Variants in GLI2 observed in about 807,000 individuals in gnomAD.
GLI2 encodes GLI family zinc finger 2.
A neutral mutation model predicts 78.9 loss-of-function variants in GLI2; 22 were observed. That is an observed-to-expected ratio of 0.28 (90% CI 0.20 to 0.40). The LOEUF is 0.40. Ranked by LOEUF, GLI2 falls within the 10% of genes least tolerant of loss-of-function variation. GLI2 has a pLI of 1.00. For missense variants in GLI2, 2,097 were observed against 2,213.2 expected (o/e 0.95, Z 1.05); for synonymous variants, 974 against 963.7 (o/e 1.01, Z -0.20).
intron 2 of GLI2, among the ~76,000 whole-genome samples, chr2:120,881,729 GA>G: frequency 1.0e-5 from 1 of 99,590 alleles, no homozygotes; most frequent in Admixed American, 9.9e-5. Context: ...GGTGGGGGAG[GA>G]CAGTGCGGGG....
chr2:120,820,873 T>C (rs1288061694), intron 2 of GLI2, among the ~76,000 whole-genome samples: 1 of 152,148 alleles, frequency 6.6e-6, no homozygotes, highest in African/African-American at 2.4e-5. Context: ...GGTGCAGTCT[T>C]GAGTGGCCAG....
intron 2 of GLI2, among the ~76,000 whole-genome samples, chr2:120,899,320 C>G (rs1039763384): frequency 6.0e-4 from 91 of 152,164 alleles, no homozygotes; most frequent in African/African-American, 2.1e-3. Context: ...GAGCACGTTT[C>G]TCACTTTAGG....
chr2:120,868,735 C>A (rs1385117002), intron 2 of GLI2, among the ~76,000 whole-genome samples: 1 of 152,074 alleles, frequency 6.6e-6, no homozygotes, highest in South Asian at 2.1e-4. Flanking sequence ...GAAGAGGGGG[C>A]GGGTGACTGG....
intron 8 of GLI2, 158 bp from the exon 9 acceptor site, chr2:120,974,794 GTGTGTGTGTCTGCATGCATGTGT>G: frequency 1.3e-6 from 1 of 787,128 alleles, no homozygotes; most frequent in South Asian, 1.4e-5. Flanking sequence ...GTGTGTGTGT[GTGTGTGTGTCTGCATGCATGTGT>G]TGTGTGTGTG....
At chr2:120,940,864 A>G (rs1179276679) in intron 3 of GLI2, among the ~76,000 whole-genome samples, 1 of 152,194 alleles carries the variant, frequency 6.6e-6, no homozygotes, top group Non-Finnish European at 1.5e-5. Context: ...GTTTGCAGCC[A>G]CCTGCCCCCT....
intron 3 of GLI2, among the ~76,000 whole-genome samples, chr2:120,949,785 G>C (rs1285708025): frequency 6.6e-6 from 1 of 152,216 alleles, no homozygotes; most frequent in African/African-American, 2.4e-5. Flanking sequence ...GCCTCCCAGG[G>C]GGGTGTTTGT....
intron 12 of GLI2, among the ~76,000 whole-genome samples, chr2:120,985,334 C>A (rs557923703): frequency 6.6e-6 from 1 of 152,150 alleles, no homozygotes; most frequent in Admixed American, 6.5e-5. Flanking sequence ...CAGGTGGGCC[C>A]GGACAGGCAC....
At chr2:120,938,944 TA>T (rs201887198) in intron 3 of GLI2, among the ~76,000 whole-genome samples, 2 of 31,894 alleles carry the variant, frequency 6.3e-5, no homozygotes, top group African/African-American at 7.2e-5. Flanking sequence ...GCCATCCTTT[TA>T]AAAAAAAAAT....
At chr2:120,865,604 G>A (rs770144536) in intron 2 of GLI2, among the ~76,000 whole-genome samples, 2 of 152,210 alleles carry the variant, frequency 1.3e-5, no homozygotes, top group Non-Finnish European at 2.9e-5. Flanking sequence ...CGTTGGGGTT[G>A]AGCTTTTTGT....
In GLI2 at chr2:120,991,779, C is replaced by G. The variant is rs1474011742; in HGVS notation, c.*1104C>G. On this transcript the variant is annotated 3_prime_UTR_variant, in exon 14 of 14. Coordinates refer to ENST00000361492, the MANE Select transcript of GLI2 (RefSeq NM_001374353.1). Reference sequence around the variant, plus strand: ...GTGCATGCCTGGTATCCTCCGGATTCCCTTCCTTCTGCCCGCTGAGTCACT... The same window carrying G: ...GTGCATGCCTGGTATCCTCCGGATTGCCTTCCTTCTGCCCGCTGAGTCACT... 2 of 152,638 alleles carry G rather than the reference C, an allele frequency of 1.3e-5. No homozygotes were observed. Among genetic ancestry groups the G allele is most frequent in the Admixed American group, 6.5e-5 (1 of 15,288 alleles). The allele number at this position is 152,638 out of a possible 1,614,324, so 9.5% of individuals were successfully genotyped here. A position where few individuals can be genotyped will look rare whatever the true frequency, so the allele number is the denominator to read the frequency against.
intron 1 of GLI2, among the ~76,000 whole-genome samples, chr2:120,741,064 C>A (rs1573544523): frequency 6.6e-6 from 1 of 152,252 alleles, no homozygotes; most frequent in African/African-American, 2.4e-5. Context: ...TGGGTCCTGG[C>A]TCAGTGGGCT....
chr2:120,982,511 G>A (rs2105063224), intron 10 of GLI2, among the ~76,000 whole-genome samples: 1 of 152,304 alleles, frequency 6.6e-6, no homozygotes, highest in African/African-American at 2.4e-5. Flanking sequence ...CAGCCCCTGG[G>A]CGACCGGTGG....
intron 2 of GLI2, among the ~76,000 whole-genome samples, chr2:120,816,384 G>C (rs1370803388): frequency 6.6e-6 from 1 of 151,850 alleles, no homozygotes; most frequent in East Asian, 1.9e-4. Context: ...TTGTAGAGAC[G>C]GGGTTTTGCC....
At chr2:120,759,416 A>T (rs1439514442) in intron 1 of GLI2, among the ~76,000 whole-genome samples, 1 of 152,086 alleles carries the variant, frequency 6.6e-6, no homozygotes, top group Non-Finnish European at 1.5e-5. Context: ...ACCAGCTATA[A>T]ATCTGGGTTC....
At chr2:120,980,422 CCA>C (rs2105057312) in intron 10 of GLI2, among the ~76,000 whole-genome samples, 1 of 152,316 alleles carries the variant, frequency 6.6e-6, no homozygotes, top group Admixed American at 6.5e-5. Flanking sequence ...TGCTTATTGG[CCA>C]TTTGCGTATC....
chr2:120,852,412 C>T (rs1005305668), intron 2 of GLI2, among the ~76,000 whole-genome samples: 1 of 152,198 alleles, frequency 6.6e-6, no homozygotes, highest in Non-Finnish European at 1.5e-5. Flanking sequence ...AGCACTCCTG[C>T]CTACCCCCAC....
chr2:120,770,723 G>A (rs773895751), intron 1 of GLI2, among the ~76,000 whole-genome samples: 33 of 152,212 alleles, frequency 2.2e-4, no homozygotes, highest in African/African-American at 9.6e-5. Context: ...AGCACAGAGC[G>A]TTGTGCAGCT....
intron 3 of GLI2, among the ~76,000 whole-genome samples, chr2:120,948,498 C>G (rs1680824869): frequency 6.6e-6 from 1 of 152,186 alleles, no homozygotes; most frequent in South Asian, 2.1e-4. Context: ...CCCAGCTCCT[C>G]CATGTGTGAC....
intron 2 of GLI2, among the ~76,000 whole-genome samples, chr2:120,912,951 G>A (rs13034312): frequency 4.6e-5 from 7 of 152,310 alleles, no homozygotes; most frequent in East Asian, 3.9e-4. Context: ...CCACAGAATC[G>A]CAAGTAACCC....
Sources: allele counts gnomAD v4.1 joint callset (sites outside exome capture counted in the v4.1 genomes callset), GRCh38; gene constraint gnomAD v4.1.1; transcripts MANE v1.5; gene names NCBI Gene and HGNC (gene_info 2026-07-23, HGNC 2026-07-21).